Variants in SIPA1 observed in about 807,000 individuals in gnomAD.
The protein encoded by SIPA1 is signal-induced proliferation-associated 1, also known as signal-induced proliferation-associated protein 1.
In SIPA1, 51 loss-of-function variants were observed where a neutral mutation model predicts 88.1. The ratio of observed to expected loss-of-function variants is 0.58; its 90% CI spans 0.46 to 0.73. The LOEUF (loss-of-function observed/expected upper bound fraction) is 0.73, where lower values mean the gene tolerates loss of function less well. Ranked by LOEUF, SIPA1 falls within the 30% of genes least tolerant of loss-of-function variation. The probability of loss-of-function intolerance (pLI) is 0.00; values close to 1 mark genes in which losing one functional copy is unlikely to be tolerated. For missense variants in SIPA1, 1,348 were observed against 1,467.6 expected (o/e 0.92, Z 1.33); for synonymous variants, 681 against 664.8 (o/e 1.02, Z -0.37).
At chr11:65,647,267 C>A (rs1282207193) in intron 8 of SIPA1, 117 bp from the exon 9 acceptor site, 1 of 1,364,628 alleles carries the variant, frequency 7.3e-7, no homozygotes, top group Non-Finnish European at 9.5e-7. Context: ...CGGTGGCACA[C>A]GCGGCCCTCG....
rs1420957411 is a variant in SIPA1 at position 65,646,749 on chromosome 11, G to A, written c.1715G>A (p.Gly572Asp). Residue 572 changes from glycine (G) to aspartate (D), a missense_variant, in exon 8 of 16, where the codon GGC (glycine) becomes GAC (aspartate). Coordinates refer to ENST00000534313, the MANE Select transcript of SIPA1 (RefSeq NM_006747.4). The surrounding 1 kb of genome is among the most constrained non-coding windows in gnomAD (Gnocchi z 7.5). ...CGCCGGGCGGCCCCTCGGGGCCCAG[G>A]CGCCGAGCTGCAGGCAGCGGGCTCA... ...GRRRAAPRGP[G>D]AELQAAGSLV... 6.6e-7 allele frequency: 1 copy of A among 1,506,916 alleles called. No individual in the cohort carries two copies. The highest frequency in any genetic ancestry group is 1.2e-5 in the South Asian group (1 of 81,834). 93.3% of individuals were successfully genotyped at this position (1,506,916 alleles called of 1,614,324 possible).
rs1856229066 is a variant in SIPA1, at chr11:65,650,001, C to T, written c.2798C>T (p.Ser933Leu). The change falls in exon 13 of 16, where the codon TCG becomes TTG. Residue 933 changes from serine (S) to leucine (L), a missense_variant. This residue lies in a region of SIPA1 where 615 missense variants were observed against 559.8 expected (regional missense o/e 1.10). Coordinates refer to ENST00000534313, the MANE Select transcript of SIPA1 (RefSeq NM_006747.4). ...GTLEDEWQAI[S>L]EIASTCNTIL... Reference sequence around the variant, plus strand: ...CTGGAGGACGAGTGGCAGGCCATCTCGGAGATTGCCTCTACTTGCAACACC... The same window carrying T: ...CTGGAGGACGAGTGGCAGGCCATCTTGGAGATTGCCTCTACTTGCAACACC... The T allele has an allele frequency of 5.6e-6, 9 of 1,613,974 alleles. No homozygotes were observed. Among genetic ancestry groups the T allele is most frequent in the South Asian group, 2.2e-5 (2 of 91,074 alleles).
In SIPA1 at chr11:65,650,042, T is replaced by C; in HGVS notation, c.2839T>C (p.Ser947Pro). ...STCNTILESLSREGQPIPESG... is the reference protein window; with the variant it reads ...STCNTILESLPREGQPIPESG... ...TTGCAACACCATTCTGGAGTCGCTG[T>C]CCCGAGAGGGTGAGGCCACCAGGGT... Residue 947 changes from serine to proline, a missense_variant, in exon 13 of 16, where the codon TCC becomes CCC. Coordinates refer to ENST00000534313, the MANE Select transcript of SIPA1 (RefSeq NM_006747.4). 1 of 1,613,930 alleles carries C rather than the reference T, an allele frequency of 6.2e-7. No individual in the cohort carries two copies. Among genetic ancestry groups the C allele is most frequent in the Non-Finnish European group, 8.5e-7 (1 of 1,179,952 alleles).
rs1159828315 is a variant in SIPA1, at chr11:65,650,018, T to C, written c.2815T>C (p.Cys939Arg). 6.2e-7 allele frequency: 1 copy of C among 1,613,924 alleles called. No homozygotes were observed. Among genetic ancestry groups the C allele is most frequent in the South Asian group, 1.1e-5 (1 of 91,066 alleles). The change falls in exon 13 of 16, where the codon TGC (cysteine) becomes CGC (arginine). Residue 939 changes from cysteine (C) to arginine (R), a missense_variant. This residue lies in a region of SIPA1 where 615 missense variants were observed against 559.8 expected (regional missense o/e 1.10). Coordinates refer to ENST00000534313, the MANE Select transcript of SIPA1 (RefSeq NM_006747.4). The stretch of plus-strand genomic sequence containing the variant: ...GGCCATCTCGGAGATTGCCTCTACT[T>C]GCAACACCATTCTGGAGTCGCTGTC... ...WQAISEIAST[C>R]NTILESLSRE...
chr11:65,638,897 C>T (rs1318891894), intron 1 of SIPA1, among the ~76,000 whole-genome samples: 1 of 152,216 alleles, frequency 6.6e-6, no homozygotes, highest in Non-Finnish European at 1.5e-5. Flanking sequence ...AGAGCTCAGC[C>T]CACAAGGAGC....
rs865944164 is a variant in SIPA1 at position 65,641,227 on chromosome 11, A to G, written c.306A>G (p.Glu102=). ...PLALLGLPAE[E]PEPAFPPVLE... The stretch of plus-strand genomic sequence containing the variant: ...CACTGCTGGGGCTGCCAGCAGAGGA[A>G]CCAGAGCCTGCCTTCCCACCAGTGC... Residue 102 remains glutamate (E), a synonymous_variant, in exon 2 of 16, where the codon GAA becomes GAG. Coordinates refer to ENST00000534313, the MANE Select transcript of SIPA1 (RefSeq NM_006747.4). 1 of 1,613,048 alleles carries G rather than the reference A, an allele frequency of 6.2e-7. No individual in the cohort carries two copies. The highest frequency in any genetic ancestry group is 1.1e-5 in the South Asian group (1 of 91,086).
chr11:65,647,081 A>T lies in SIPA1; in HGVS notation c.2031+16A>T. The T allele has an allele frequency of 6.6e-7, 1 of 1,512,854 alleles. No individual in the cohort carries two copies. The highest frequency in any genetic ancestry group is 8.8e-7 in the Non-Finnish European group (1 of 1,135,936). 93.7% of individuals were successfully genotyped at this position (1,512,854 alleles called of 1,614,324 possible). On this transcript the variant is annotated intron_variant, in intron 8 of 15. Transcript: ENST00000534313. ...GCGCCTGCAGGTGAGCTGGAGTGGT[A>T]AACTGGGGCCCCTGCGCGCGGCGGG... is the stretch of plus-strand genomic sequence containing the variant.
At chr11:65,648,792 C>T (rs867760706) in intron 9 of SIPA1, among the ~76,000 whole-genome samples, 2 of 151,274 alleles carry the variant, frequency 1.3e-5, no homozygotes, top group African/African-American at 2.4e-5. Flanking sequence ...GCTGTGATCG[C>T]GCCATTGCAC....
chr11:65,641,095 C>G lies in SIPA1; in HGVS notation c.174C>G (p.Gly58=), dbSNP rs368578306. 1 of 1,599,784 alleles carries G rather than the reference C, an allele frequency of 6.3e-7. No individual in the cohort carries two copies. The highest frequency in any genetic ancestry group is 2.2e-5 in the East Asian group (1 of 44,782). Residue 58 remains glycine (G), a synonymous_variant, in exon 2 of 16, where the codon GGC becomes GGG. Transcript: ENST00000534313. ...TCCTGCGCAGCGGCAGCGATGCAGG[C>G]GAGGCCAGGCCCCCCACGCCAGCCA... ...GPLLRSGSDA[G]EARPPTPASP...
intron 1 of SIPA1, among the ~76,000 whole-genome samples, chr11:65,638,765 A>G (rs1207854746): frequency 6.6e-6 from 1 of 152,218 alleles, no homozygotes; most frequent in African/African-American, 2.4e-5. Flanking sequence ...GTGAAGCTTC[A>G]GGGTGGGGGG....
chr11:65,641,649 G>T, intron 2 of SIPA1, 49 bp downstream of exon 2: 1 of 1,504,326 alleles, frequency 6.6e-7, no homozygotes, highest in Non-Finnish European at 9.0e-7. Flanking sequence ...TGAAGAAGAG[G>T]TCCCTGTCAC....
At chr11:65,647,349 G>A (rs1856147121) in intron 8 of SIPA1, 35 bp from the exon 9 acceptor site, 6 of 1,380,700 alleles carry the variant, frequency 4.3e-6, no homozygotes, top group Non-Finnish European at 5.6e-6. Flanking sequence ...CCCACCTCCC[G>A]GCAGCCCCGC....
rs2306364 is a variant in SIPA1, at chr11:65,644,996, G to T, written c.1026G>T (p.Ala342=). The change falls in exon 5 of 16, where the codon GCG becomes GCT. Residue 342 remains alanine (A), a synonymous_variant. Coordinates refer to ENST00000534313, the MANE Select transcript of SIPA1 (RefSeq NM_006747.4). ...QRKVGILYCR[A]GQGSEEEMYN... Reference sequence around the variant, plus strand: ...AGGTGGGCATCCTGTACTGCCGGGCGGGCCAGGGCTCGGAGGAGGAGATGT... The same window carrying T: ...AGGTGGGCATCCTGTACTGCCGGGCTGGCCAGGGCTCGGAGGAGGAGATGT... The T allele has an allele frequency of 1.2e-6, 2 of 1,613,614 alleles. No individual in the cohort carries two copies. Among genetic ancestry groups the T allele is most frequent in the African/African-American group, 2.7e-5 (2 of 74,898 alleles).
chr11:65,644,815 C>A, intron 4 of SIPA1, 140 bp from the exon 5 acceptor site: 1 of 792,386 alleles, frequency 1.3e-6, no homozygotes, highest in South Asian at 1.7e-5. Flanking sequence ...ACAGACTGTA[C>A]TCACCTGACA....
In SIPA1 at chr11:65,641,019, G is replaced by A. The variant is rs1349927729; in HGVS notation, c.98G>A (p.Arg33Lys). Residue 33 changes from arginine (R) to lysine (K), a missense_variant, in exon 2 of 16, where the codon AGG becomes AAG. Coordinates refer to ENST00000534313, the MANE Select transcript of SIPA1 (RefSeq NM_006747.4). ...LFARKLRQPARPPLTPHTFEP... is the reference protein window; with the variant it reads ...LFARKLRQPAKPPLTPHTFEP... ...GCCCGCAAGCTGCGCCAGCCAGCAA[G>A]GCCCCCGCTGACACCGCACACCTTC... 2 of 1,591,162 alleles carry A rather than the reference G, an allele frequency of 1.3e-6. No individual in the cohort carries two copies. Among genetic ancestry groups the A allele is most frequent in the Admixed American group, 1.8e-5 (1 of 56,892 alleles).
chr11:65,645,605 A>G (rs1434199949), intron 5 of SIPA1, among the ~76,000 whole-genome samples: 1 of 151,876 alleles, frequency 6.6e-6, no homozygotes, highest in Non-Finnish European at 1.5e-5. Flanking sequence ...TCTTCATTCT[A>G]TTTCAACTCT....
Position 65,645,040 on chromosome 11 carries a change from G to C in SIPA1, c.1070G>C (p.Gly357Ala). Residue 357 changes from glycine (G) to alanine (A), a missense_variant, in exon 5 of 16, where the codon GGA becomes GCA. Around this residue, in one of 4 missense-constraint regions of SIPA1, gnomAD observed 641 missense variants for 797.7 expected, o/e 0.80. Coordinates refer to ENST00000534313, the MANE Select transcript of SIPA1 (RefSeq NM_006747.4). ...GAGATGTACAACAACCAGGAGGCGGGACCGGCCTTCATGCAGTTTCTCACC... is the reference window on the plus strand; with the variant it reads ...GAGATGTACAACAACCAGGAGGCGGCACCGGCCTTCATGCAGTTTCTCACC... Reference protein sequence around the residue: ...EEEMYNNQEAGPAFMQFLTLL... With the variant: ...EEEMYNNQEAAPAFMQFLTLL... The C allele has an allele frequency of 6.2e-7, 1 of 1,614,100 alleles. No individual in the cohort carries two copies. The highest frequency in any genetic ancestry group is 8.5e-7 in the Non-Finnish European group (1 of 1,179,960).
At chr11:65,644,220 G>A (rs1186920177) in intron 4 of SIPA1, among the ~76,000 whole-genome samples, 2 of 151,440 alleles carry the variant, frequency 1.3e-5, no homozygotes, top group Non-Finnish European at 1.5e-5. Flanking sequence ...AGATGGGGGT[G>A]TCATCCTTGC....
At chr11:65,641,651 C>A in intron 2 of SIPA1, 51 bp downstream of exon 2, 2 of 1,478,854 alleles carry the variant, frequency 1.4e-6, no homozygotes, top group South Asian at 1.2e-5. Context: ...AAGAAGAGGT[C>A]CCTGTCACCT....
Sources: allele counts gnomAD v4.1 joint callset (sites outside exome capture counted in the v4.1 genomes callset), GRCh38; gene constraint gnomAD v4.1.1; regional missense constraint gnomAD v4.1.1; non-coding constraint Gnocchi (gnomAD v3.1); transcripts MANE v1.5; gene names NCBI Gene and HGNC (gene_info 2026-07-23, HGNC 2026-07-21).